The following LRPPRC variants were observed in gnomAD, a reference collection of about 807,000 sequenced individuals.
The protein encoded by LRPPRC is leucine-rich PPR motif-containing protein, mitochondrial.
Under a neutral mutation model 180.3 loss-of-function variants are expected in LRPPRC, and 120 were observed. That is an observed-to-expected ratio of 0.67 (90% CI 0.57 to 0.77). The LOEUF is 0.77. Ranked by LOEUF, LRPPRC falls within the 30% of genes least tolerant of loss-of-function variation. The probability of loss-of-function intolerance (pLI) is 0.00; values close to 1 mark genes in which losing one functional copy is unlikely to be tolerated. For missense variants in LRPPRC, 2,012 were observed against 1,657.2 expected (o/e 1.21, Z -3.72); for synonymous variants, 723 against 600.0 (o/e 1.21, Z -3.00).
chr2:43,986,111 G>A (rs1219622241), intron 1 of LRPPRC, among the ~76,000 whole-genome samples: 1 of 151,858 alleles, frequency 6.6e-6, no homozygotes, highest in Non-Finnish European at 1.5e-5. Flanking sequence ...GTCTTTTCTG[G>A]TGAAGTATTT....
chr2:43,975,021 C>A lies in LRPPRC; in HGVS notation c.864+70G>T, dbSNP rs1188956551. On this transcript the variant is annotated intron_variant, in intron 7 of 37. Transcript: ENST00000260665. ...AACAGGTATAAACTTCACTTTCCTG[C>A]CTCATGTAAAACATAACACAAATTT... The A allele has an allele frequency of 4.0e-6, 6 of 1,492,708 alleles. 1 individual carries two copies. In the East Asian group the frequency reaches 6.8e-5, roughly 17 times the overall value. The allele number at this position is 1,492,708 out of a possible 1,614,324, so 92.5% of individuals were successfully genotyped here. A position where few individuals can be genotyped will look rare whatever the true frequency, so the allele number is the denominator to read the frequency against.
chr2:43,893,542 T>A (rs1267005646), intron 36 of LRPPRC, among the ~76,000 whole-genome samples: 1 of 152,244 alleles, frequency 6.6e-6, no homozygotes, highest in Non-Finnish European at 1.5e-5. Context: ...TAACTATTTT[T>A]AGCAATATCT....
rs1670298826 is a variant in LRPPRC, at chr2:43,887,164, A to AAAAAAAAAAAAAAAAAAAAAAAAAT, written c.*1435_*1436insATTTTTTTTTTTTTTTTTTTTTTTT. 1 of 148,740 alleles carries AAAAAAAAAAAAAAAAAAAAAAAAAT rather than the reference A, an allele frequency of 6.7e-6. No homozygotes were observed. The highest frequency in any genetic ancestry group is 1.5e-5 in the Non-Finnish European group (1 of 67,402). 9.2% of individuals were successfully genotyped at this position (148,740 alleles called of 1,614,324 possible). ...ATCTCAAAAAAAAAAAAAAAAAAAA[A>AAAAAAAAAAAAAAAAAAAAAAAAAT]GATGCTTTTGGCAAACCTGTAACAT... is the stretch of plus-strand genomic sequence containing the variant. On this transcript the variant is annotated 3_prime_UTR_variant, in exon 38 of 38. Coordinates refer to ENST00000260665, the MANE Select transcript of LRPPRC (RefSeq NM_133259.4).
chr2:43,966,474 G>A (rs1261657849), intron 11 of LRPPRC, among the ~76,000 whole-genome samples: 2 of 151,322 alleles, frequency 1.3e-5, no homozygotes, highest in Non-Finnish European at 2.9e-5. Flanking sequence ...GCAATGGTGC[G>A]ATCTCAACTC....
chr2:43,925,210 C>T (rs1318010938), intron 26 of LRPPRC, 53 bp from the exon 27 acceptor site: 3 of 940,568 alleles, frequency 3.2e-6, no homozygotes, highest in East Asian at 2.4e-5. Context: ...ATGTATTTTA[C>T]AGTTAACAAA....
chr2:43,896,228 T>TC (rs1670680978), intron 35 of LRPPRC: 1 of 142,448 alleles, frequency 7.0e-6, no homozygotes, highest in Non-Finnish European at 1.5e-5. Flanking sequence ...CTTTCTTTTT[T>TC]TTTTTTTTTT....
intron 3 of LRPPRC, among the ~76,000 whole-genome samples, chr2:43,979,540 G>A (rs570737554): frequency 1.8e-4 from 27 of 152,150 alleles, no homozygotes; most frequent in Middle Eastern, 6.8e-3. Flanking sequence ...GGAACTGCTC[G>A]GTCAAATGGT....
At chr2:43,892,136 G>GAA in intron 36 of LRPPRC, among the ~76,000 whole-genome samples, 1 of 152,366 alleles carries the variant, frequency 6.6e-6, no homozygotes, top group East Asian at 1.9e-4. Flanking sequence ...TGCTGATGCA[G>GAA]AAGCTACGGC....
chr2:43,899,954 A>C (rs1670827340), intron 32 of LRPPRC, among the ~76,000 whole-genome samples: 1 of 152,164 alleles, frequency 6.6e-6, no homozygotes, highest in Non-Finnish European at 1.5e-5. Flanking sequence ...ATTTAACTTA[A>C]TTTTTGCCAC....
chr2:43,917,989 C>A (rs201146793), intron 29 of LRPPRC, 36 bp downstream of exon 29: 14 of 1,356,654 alleles, frequency 1.0e-5, no homozygotes, highest in Non-Finnish European at 1.4e-5. Flanking sequence ...AGAAGACCAC[C>A]CCCCCACACA....
At chr2:43,992,727 C>T (rs1161205756) in intron 1 of LRPPRC, among the ~76,000 whole-genome samples, 1 of 151,992 alleles carries the variant, frequency 6.6e-6, no homozygotes, top group Non-Finnish European at 1.5e-5. Context: ...ATGTAGATAT[C>T]CAGGATCTTT....
chr2:43,913,450 A>G (rs1431787849), intron 29 of LRPPRC, among the ~76,000 whole-genome samples: 1 of 152,030 alleles, frequency 6.6e-6, no homozygotes, highest in Admixed American at 6.5e-5. Context: ...AGAACATGAT[A>G]TTATTTAATG....
chr2:43,920,184 G>A (rs1040682610), intron 27 of LRPPRC, among the ~76,000 whole-genome samples: 1 of 151,762 alleles, frequency 6.6e-6, no homozygotes, highest in African/African-American at 2.4e-5. Flanking sequence ...TGCCCAGGCT[G>A]GAGTGCAGTG....
At chr2:43,896,033 T>G (rs1333641965) in intron 35 of LRPPRC, among the ~76,000 whole-genome samples, 4 of 151,966 alleles carry the variant, frequency 2.6e-5, no homozygotes, top group African/African-American at 9.7e-5. Context: ...TGGCTCCATA[T>G]CAATTTGAAA....
intron 1 of LRPPRC, among the ~76,000 whole-genome samples, chr2:43,993,937 G>A (rs1271365500): frequency 2.0e-5 from 3 of 151,838 alleles, no homozygotes; most frequent in Non-Finnish European, 4.4e-5. Flanking sequence ...TGAAACTGAG[G>A]AACAGACAGG....
At chr2:43,891,499 ATTG>A (rs1450802620) in intron 36 of LRPPRC, among the ~76,000 whole-genome samples, 2 of 152,058 alleles carry the variant, frequency 1.3e-5, no homozygotes, top group African/African-American at 2.4e-5. Context: ...CTTTTTCATT[ATTG>A]TTATATCTGT....
At chr2:43,896,935 TTAAAAAG>T (rs1256184618) in intron 34 of LRPPRC, among the ~76,000 whole-genome samples, 5 of 152,162 alleles carry the variant, frequency 3.3e-5, no homozygotes, top group Non-Finnish European at 7.4e-5. Context: ...TAAAGTTTGT[TTAAAAAG>T]AAAAGGGAAA....
intron 1 of LRPPRC, among the ~76,000 whole-genome samples, chr2:43,986,805 A>G (rs1409092830): frequency 6.6e-6 from 1 of 152,206 alleles, no homozygotes; most frequent in Non-Finnish European, 1.5e-5. Flanking sequence ...AGTGGTAAAA[A>G]ATTAAACCTA....
At chr2:43,904,445 C>G (rs1325460929) in intron 31 of LRPPRC, 1 of 152,080 alleles carries the variant, frequency 6.6e-6, no homozygotes, top group Non-Finnish European at 1.5e-5. Context: ...GTAATCCCAG[C>G]ACTTTGGGAG....
Sources: gnomAD v4.1 joint callset for allele counts (sites outside exome capture counted in the v4.1 genomes callset) on GRCh38, gnomAD v4.1.1 for gene constraint, MANE v1.5 for transcripts, NCBI Gene and HGNC (gene_info 2026-07-23, HGNC 2026-07-21) for gene names.